Variants in CSNK2A2 observed in about 807,000 individuals in gnomAD.
CSNK2A2 encodes casein kinase II subunit alpha'.
CSNK2A2 carries 8 observed loss-of-function variants against 54.0 expected under a neutral mutation model. The ratio of observed to expected loss-of-function variants is 0.15; its 90% CI spans 0.09 to 0.27. The LOEUF (loss-of-function observed/expected upper bound fraction) is 0.27, where lower values mean the gene tolerates loss of function less well. Ranked by LOEUF, CSNK2A2 falls within the 10% of genes least tolerant of loss-of-function variation. The probability of loss-of-function intolerance (pLI) is 1.00; values close to 1 mark genes in which losing one functional copy is unlikely to be tolerated. For missense variants in CSNK2A2, 242 were observed against 439.4 expected (o/e 0.55, Z 4.02); for synonymous variants, 141 against 153.9 (o/e 0.92, Z 0.62).
intron 11 of CSNK2A2, 34 bp downstream of exon 11, chr16:58,164,020 T>C (rs372202913): frequency 6.6e-7 from 1 of 1,520,646 alleles, no homozygotes; most frequent in South Asian, 1.2e-5. Context: ...GTTTGGTTGG[T>C]TGGTTTTATT....
chr16:58,179,952 G>A (rs549361440), intron 4 of CSNK2A2, among the ~76,000 whole-genome samples: 7 of 151,844 alleles, frequency 4.6e-5, no homozygotes, highest in Admixed American at 1.3e-4. Flanking sequence ...GGTGGCACAC[G>A]CCTGTAATCC....
At chr16:58,191,017 C>A (rs1004675783) in intron 2 of CSNK2A2, among the ~76,000 whole-genome samples, 2 of 152,190 alleles carry the variant, frequency 1.3e-5, no homozygotes, top group African/African-American at 4.8e-5. Context: ...GTGGTATATA[C>A]ATACAATGGA....
chr16:58,182,193 A>T (rs564165619), intron 4 of CSNK2A2, among the ~76,000 whole-genome samples: 67 of 152,064 alleles, frequency 4.4e-4, no homozygotes, highest in African/African-American at 1.6e-3. Context: ...CCACTAACTG[A>T]TCTTCAGCAG....
chr16:58,171,236 T>C (rs1774994011), intron 5 of CSNK2A2, among the ~76,000 whole-genome samples: 1 of 152,074 alleles, frequency 6.6e-6, no homozygotes, highest in African/African-American at 2.4e-5. Flanking sequence ...TATAGAATGC[T>C]TGTTATGGCC....
chr16:58,193,635 T>C (rs1303164936), intron 2 of CSNK2A2, among the ~76,000 whole-genome samples: 1 of 152,240 alleles, frequency 6.6e-6, no homozygotes, highest in Non-Finnish European at 1.5e-5. Context: ...ACACAGGCAG[T>C]ATTCATAAAA....
intron 2 of CSNK2A2, among the ~76,000 whole-genome samples, chr16:58,187,962 T>C (rs904196126): frequency 2.5e-4 from 38 of 150,350 alleles, no homozygotes; most frequent in African/African-American, 9.3e-4. Flanking sequence ...GACACTGTTA[T>C]AATAGCAGAG....
chr16:58,183,586 T>C (rs1349967259), intron 4 of CSNK2A2, among the ~76,000 whole-genome samples: 2 of 152,130 alleles, frequency 1.3e-5, no homozygotes, highest in Non-Finnish European at 2.9e-5. Flanking sequence ...TTTGTTTGTA[T>C]ATTGGTTTTT....
At chr16:58,195,629 G>A (rs995238812) in intron 2 of CSNK2A2, among the ~76,000 whole-genome samples, 1 of 152,096 alleles carries the variant, frequency 6.6e-6, no homozygotes, top group East Asian at 1.9e-4. Flanking sequence ...CGGCAATAAC[G>A]AGGACCCATC....
chr16:58,168,766 G>T (rs1961644147), intron 5 of CSNK2A2, 73 bp from the exon 6 acceptor site: 6 of 1,167,776 alleles, frequency 5.1e-6, no homozygotes, highest in Non-Finnish European at 7.6e-6. Context: ...TAGTCTTATT[G>T]TTTGTGACAC....
intron 11 of CSNK2A2, chr16:58,158,839 C>T (rs933782824): frequency 6.6e-6 from 1 of 152,178 alleles, no homozygotes; most frequent in African/African-American, 2.4e-5. Context: ...AGTAAGTGAG[C>T]TCAAATATTT....
At chr16:58,190,126 G>C (rs1157621171) in intron 2 of CSNK2A2, among the ~76,000 whole-genome samples, 1 of 152,134 alleles carries the variant, frequency 6.6e-6, no homozygotes, top group Non-Finnish European at 1.5e-5. Flanking sequence ...CTGCATGCTA[G>C]AAGAAGTCTC....
intron 2 of CSNK2A2, among the ~76,000 whole-genome samples, chr16:58,193,709 A>C (rs1452271573): frequency 6.6e-6 from 1 of 152,240 alleles, no homozygotes; most frequent in East Asian, 1.9e-4. Context: ...AGGTACTACA[A>C]AGGAAATGAA....
At chr16:58,166,740 G>T in intron 8 of CSNK2A2, 56 bp from the exon 9 acceptor site, 1 of 1,224,762 alleles carries the variant, frequency 8.2e-7, no homozygotes, top group Non-Finnish European at 1.2e-6. Flanking sequence ...CCATGAGCCC[G>T]TGAGGACACT....
chr16:58,178,663 G>A (rs1961945320), intron 4 of CSNK2A2, among the ~76,000 whole-genome samples: 1 of 152,044 alleles, frequency 6.6e-6, no homozygotes, highest in South Asian at 2.1e-4. Flanking sequence ...CATTCGTTTC[G>A]AAGTTTTGTC....
At chr16:58,160,717 A>G (rs1430073021) in intron 11 of CSNK2A2, 1 of 152,220 alleles carries the variant, frequency 6.6e-6, no homozygotes, top group African/African-American at 2.4e-5. Flanking sequence ...TCAAGAAGTT[A>G]ATTTCCTCCT....
intron 9 of CSNK2A2, 31 bp from the exon 10 acceptor site, chr16:58,165,739 G>C: frequency 6.3e-7 from 1 of 1,596,028 alleles, no homozygotes; most frequent in Non-Finnish European, 8.5e-7. Flanking sequence ...TTAGTAACCA[G>C]AGACTAAATT....
In CSNK2A2 at chr16:58,164,092, A is replaced by G; in HGVS notation, c.1032T>C (p.Ser344=). ...QPCADNAVLS[S]GLTAAR is the part of the protein sequence containing the mutation. ...GTCTTCATCGTGCTGCCGTGAGACC[A>G]CTGGAAAGCACAGCATTGTCTGCAC... The change falls in exon 11 of 12, where the codon AGT becomes AGC. Residue 344 remains serine, a synonymous_variant. Transcript: ENST00000262506. 6.2e-7 allele frequency: 1 copy of G among 1,613,840 alleles called. No homozygotes were observed. Among genetic ancestry groups the G allele is most frequent in the Non-Finnish European group, 8.5e-7 (1 of 1,179,854 alleles).
At chr16:58,173,343 TCATAG>T (rs1961791158) in intron 5 of CSNK2A2, among the ~76,000 whole-genome samples, 1 of 152,236 alleles carries the variant, frequency 6.6e-6, no homozygotes, top group South Asian at 2.1e-4. Context: ...CACATTCATT[TCATAG>T]AACTGTTCTT....
intron 4 of CSNK2A2, among the ~76,000 whole-genome samples, chr16:58,180,749 G>C (rs1273061033): frequency 1.3e-5 from 2 of 151,944 alleles, no homozygotes; most frequent in Non-Finnish European, 2.9e-5. Context: ...GAAAAGAATG[G>C]GCTGCGGGCT....
Sources: allele counts gnomAD v4.1 joint callset (sites outside exome capture counted in the v4.1 genomes callset), GRCh38; gene constraint gnomAD v4.1.1; transcripts MANE v1.5; gene names NCBI Gene and HGNC (gene_info 2026-07-23, HGNC 2026-07-21).